RSRC1: variants seen among roughly 807,000 people sequenced by gnomAD.
RSRC1 encodes the protein serine/Arginine-related protein 53.
In RSRC1, 39 loss-of-function variants were observed where a neutral mutation model predicts 49.1. The ratio of observed to expected loss-of-function variants is 0.79; its 90% CI spans 0.61 to 1.04. The LOEUF is 1.04. RSRC1 is among the 50% of genes least tolerant of loss of function. RSRC1 has a pLI of 0.00. For missense variants in RSRC1, 388 were observed against 402.4 expected, an observed-to-expected ratio of 0.96 and a Z score of 0.31; for synonymous variants, 143 against 130.8, an observed-to-expected ratio of 1.09 and a Z score of -0.63.
At chr3:158,138,296 A>T (rs1716531137) in intron 3 of RSRC1, among the ~76,000 whole-genome samples, 1 of 152,228 alleles carries the variant, frequency 6.6e-6, no homozygotes, top group Non-Finnish European at 1.5e-5. Context: ...TGGTATAGAT[A>T]ACCAGACAGT....
At chr3:158,340,619 A>T (rs538879812) in intron 5 of RSRC1, among the ~76,000 whole-genome samples, 2 of 152,340 alleles carry the variant, frequency 1.3e-5, no homozygotes, top group East Asian at 1.9e-4. Flanking sequence ...CTCCCCAGCC[A>T]TGTGGAACTG....
intron 4 of RSRC1, among the ~76,000 whole-genome samples, chr3:158,290,840 G>A (rs551446938): frequency 1.3e-5 from 2 of 152,210 alleles, no homozygotes; most frequent in East Asian, 1.9e-4. Flanking sequence ...GAAAACTGCA[G>A]CATACTAGTC....
intron 3 of RSRC1, among the ~76,000 whole-genome samples, chr3:158,192,436 T>C (rs924593592): frequency 6.6e-6 from 1 of 152,084 alleles, no homozygotes; most frequent in Admixed American, 6.6e-5. Flanking sequence ...AGTAGAGTCC[T>C]TGTGTTAGGG....
chr3:158,312,384 C>T (rs1467101137), intron 5 of RSRC1, among the ~76,000 whole-genome samples: 1 of 152,034 alleles, frequency 6.6e-6, no homozygotes, highest in South Asian at 2.1e-4. Context: ...TGTTGAGTGT[C>T]AGTTATTTAT....
chr3:158,218,358 A>G (rs950394313), intron 4 of RSRC1, among the ~76,000 whole-genome samples: 1 of 151,666 alleles, frequency 6.6e-6, no homozygotes, highest in Non-Finnish European at 1.5e-5. Flanking sequence ...GGGATTTGGC[A>G]TTGGAGATGG....
intron 6 of RSRC1, among the ~76,000 whole-genome samples, chr3:158,453,713 C>T (rs1737172470): frequency 6.6e-6 from 1 of 151,962 alleles, no homozygotes; most frequent in South Asian, 2.1e-4. Flanking sequence ...TTCGGGTTCT[C>T]TTCTTCTTCT....
chr3:158,297,262 A>G (rs933210371), intron 4 of RSRC1, among the ~76,000 whole-genome samples: 6 of 152,182 alleles, frequency 3.9e-5, no homozygotes, highest in African/African-American at 1.4e-4. Flanking sequence ...GAAATCAGAA[A>G]AAATTTAACT....
intron 4 of RSRC1, among the ~76,000 whole-genome samples, chr3:158,260,541 A>G (rs1724833655): frequency 6.6e-6 from 1 of 152,082 alleles, no homozygotes; most frequent in Non-Finnish European, 1.5e-5. Flanking sequence ...GAGGAGTGAC[A>G]CAAGCACTTC....
chr3:158,298,441 A>G (rs1727360579), intron 5 of RSRC1, among the ~76,000 whole-genome samples: 1 of 152,078 alleles, frequency 6.6e-6, no homozygotes. Context: ...GCATGCATAA[A>G]TATGGTATGT....
chr3:158,276,159 C>A, intron 4 of RSRC1: 1 of 912,828 alleles, frequency 1.1e-6, no homozygotes. Flanking sequence ...CTGGTTAACA[C>A]CATGATGGAC....
intron 1 of RSRC1, among the ~76,000 whole-genome samples, chr3:158,112,774 A>G (rs1042652050): frequency 2.0e-5 from 3 of 151,892 alleles, no homozygotes; most frequent in Admixed American, 6.6e-5. Flanking sequence ...TGCGTTATCT[A>G]TTTTTCCTGA....
At chr3:158,269,967 A>G (rs1489961125) in intron 4 of RSRC1, among the ~76,000 whole-genome samples, 1 of 152,214 alleles carries the variant, frequency 6.6e-6, no homozygotes, top group African/African-American at 2.4e-5. Flanking sequence ...GCAAATATTT[A>G]CTATGTTAGT....
chr3:158,287,323 A>C (rs1726630438), intron 4 of RSRC1, among the ~76,000 whole-genome samples: 1 of 152,212 alleles, frequency 6.6e-6, no homozygotes, highest in Non-Finnish European at 1.5e-5. Flanking sequence ...ATGTGAATTT[A>C]ATTGACATTT....
chr3:158,383,123 A>G (rs1261425764), intron 6 of RSRC1, among the ~76,000 whole-genome samples: 1 of 152,200 alleles, frequency 6.6e-6, no homozygotes, highest in Non-Finnish European at 1.5e-5. Context: ...GAGCTAAAAA[A>G]ACTGCAGGAG....
chr3:158,456,301 A>G (rs536744473), intron 6 of RSRC1, among the ~76,000 whole-genome samples: 102 of 141,214 alleles, frequency 7.2e-4, no homozygotes, highest in Non-Finnish European at 1.2e-3. Context: ...GGTGAGGATT[A>G]CGTGAGGGTT....
chr3:158,359,240 A>G (rs780473956), intron 6 of RSRC1, among the ~76,000 whole-genome samples: 1 of 152,134 alleles, frequency 6.6e-6, no homozygotes, highest in African/African-American at 2.4e-5. Flanking sequence ...TAAGTTACCT[A>G]TTTGAAAGTA....
intron 7 of RSRC1, among the ~76,000 whole-genome samples, chr3:158,501,752 G>A (rs1167499043): frequency 6.6e-6 from 1 of 152,050 alleles, no homozygotes; most frequent in Non-Finnish European, 1.5e-5. Context: ...TTATGTGTTA[G>A]GTAAGTCTCC....
chr3:158,240,349 A>G (rs1416483578), intron 4 of RSRC1, among the ~76,000 whole-genome samples: 2 of 152,106 alleles, frequency 1.3e-5, no homozygotes, highest in East Asian at 1.9e-4. Flanking sequence ...GAAAATTTAC[A>G]TATTTCATAT....
chr3:158,203,078 G>A lies in RSRC1; in HGVS notation c.327G>A (p.Arg109=). 1 of 1,612,124 alleles carries A rather than the reference G, an allele frequency of 6.2e-7. No individual in the cohort carries two copies. Among genetic ancestry groups the A allele is most frequent in the Non-Finnish European group, 8.5e-7 (1 of 1,178,760 alleles). The change falls in exon 4 of 10, where the codon AGG becomes AGA. Residue 109 remains arginine, a synonymous_variant. Coordinates refer to ENST00000611884, the MANE Select transcript of RSRC1 (RefSeq NM_001271838.2). ...CAAAATCTGCTTACTGTAGGTCCAG[G>A]TCAAGACCTCGTCTCCGTTCTCATA... The part of the protein sequence containing the change: ...SRSKSRTRRS[R]SRPRLRSHSR...
Sources: allele counts gnomAD v4.1 joint callset (sites outside exome capture counted in the v4.1 genomes callset), GRCh38; gene constraint gnomAD v4.1.1; transcripts MANE v1.5; gene names NCBI Gene and HGNC (gene_info 2026-07-23, HGNC 2026-07-21).